BMPR2: variants seen among roughly 807,000 people sequenced by gnomAD.
BMPR2 encodes bone morphogenetic protein receptor type-2.
In BMPR2, 29 loss-of-function variants were observed where a neutral mutation model predicts 100.8. That is an observed-to-expected ratio of 0.29 (90% CI 0.21 to 0.39). The LOEUF (loss-of-function observed/expected upper bound fraction) is 0.39. Among genes scored for constraint, BMPR2 ranks in the 10% least tolerant of loss-of-function variants. BMPR2 has a pLI of 1.00. For missense variants in BMPR2, 1,011 were observed against 1,274.5 expected (o/e 0.79, Z 3.15); for synonymous variants, 382 against 442.3 (o/e 0.86, Z 1.71).
Position 202,542,367 on chromosome 2 carries a change from A to T in BMPR2, c.1333A>T (p.Thr445Ser). The T allele has an allele frequency of 6.2e-7, 1 of 1,614,106 alleles. No individual in the cohort carries two copies. Among genetic ancestry groups the T allele is most frequent in the Non-Finnish European group, 8.5e-7 (1 of 1,179,996 alleles). ...AFQTEVGNHPTFEDMQVLVSR... is the reference protein window; with the variant it reads ...AFQTEVGNHPSFEDMQVLVSR... ...TCAGACAGAGGTTGGAAACCATCCC[A>T]CTTTTGAGGATATGCAGGTTCTCGT... is the stretch of plus-strand genomic sequence containing the variant. The change falls in exon 10 of 13, where the codon ACT becomes TCT. Residue 445 changes from threonine (T) to serine (S), a missense_variant. Physicochemically the swap from Thr to Ser is moderately conservative, Grantham distance 58. Around this residue, in one of 6 missense-constraint regions of BMPR2, gnomAD observed 83 missense variants for 140.7 expected, o/e 0.59. Coordinates refer to ENST00000374580, the MANE Select transcript of BMPR2 (RefSeq NM_001204.7).
intron 3 of BMPR2, among the ~76,000 whole-genome samples, chr2:202,488,106 C>G (rs927620560): frequency 6.6e-6 from 1 of 152,192 alleles, no homozygotes; most frequent in African/African-American, 2.4e-5. Flanking sequence ...ATTGAATACA[C>G]ACTATGCATG....
In BMPR2 at chr2:202,555,297, A is replaced by G. The variant is rs1178998149; in HGVS notation, c.1632A>G (p.Pro544=). The G allele has an allele frequency of 1.2e-6, 2 of 1,614,236 alleles. No homozygotes were observed. Among genetic ancestry groups the G allele is most frequent in the Admixed American group, 1.7e-5 (1 of 60,032 alleles). The change falls in exon 12 of 13, where the codon CCA becomes CCG. Residue 544 remains proline (P), a synonymous_variant. Transcript: ENST00000374580. ...NRRVPKIGPY[P]DYSSSSYIED... ...GTGTGCCAAAAATTGGTCCTTATCC[A>G]GATTATTCTTCCTCCTCATACATTG...
rs1439489999 is a variant in BMPR2, at chr2:202,562,835, G to GC, written c.*2890dup. 1 of 144,310 alleles carries GC rather than the reference G, an allele frequency of 6.9e-6. No individual in the cohort carries two copies. The highest frequency in any genetic ancestry group is 1.5e-5 in the Non-Finnish European group (1 of 65,582). 8.9% of individuals were successfully genotyped at this position (144,310 alleles called of 1,614,324 possible). ...TTAAAACTTTCTAAATGCATAATTG[G>GC]CAAAAAAAAAAACCCACTGTTACCA... On this transcript the variant is annotated 3_prime_UTR_variant, in exon 13 of 13. Coordinates refer to ENST00000374580, the MANE Select transcript of BMPR2 (RefSeq NM_001204.7).
intron 1 of BMPR2, among the ~76,000 whole-genome samples, chr2:202,456,064 A>C (rs1488209171): frequency 4.2e-4 from 5 of 12,016 alleles, no homozygotes; most frequent in Non-Finnish European, 7.6e-4. Flanking sequence ...GACCCGTCTC[A>C]AAAAAAAAAA....
chr2:202,518,926 C>T lies in BMPR2; in HGVS notation c.726C>T (p.Asn242=), dbSNP rs151044452. ...TTGCAAACCGTCAGAATTTTATCAA[C>T]GAAAAGAACATTTACAGAGTGCCTT... is the stretch of plus-strand genomic sequence containing the variant. ...FSFANRQNFI[N]EKNIYRVPLM... The change falls in exon 6 of 13, where the codon AAC becomes AAT. Residue 242 remains asparagine (N), a synonymous_variant. Coordinates refer to ENST00000374580, the MANE Select transcript of BMPR2 (RefSeq NM_001204.7). 62 of 1,614,132 alleles carry T rather than the reference C, an allele frequency of 3.8e-5. No individual in the cohort carries two copies. The highest frequency in any genetic ancestry group is 2.9e-4 in the African/African-American group (22 of 75,030).
In BMPR2 at chr2:202,377,157, C is replaced by T; in HGVS notation, c.-318C>T. ...ATATTTTTTTGATATCGTGAAACTA[C>T]GAGGGAAATAATTTGGGGGATTTCT... On this transcript the variant is annotated 5_prime_UTR_variant, in exon 1 of 13. It adds an upstream start codon to the 5' untranslated region. Transcript: ENST00000374580. The T allele has an allele frequency of 1.7e-6, 1 of 586,044 alleles. No homozygotes were observed. Among genetic ancestry groups the T allele is most frequent in the Non-Finnish European group, 3.0e-6 (1 of 329,520 alleles). The allele number at this position is 586,044 out of a possible 1,614,324, so 36.3% of individuals were successfully genotyped here. A position where few individuals can be genotyped will look rare whatever the true frequency, so the allele number is the denominator to read the frequency against.
intron 1 of BMPR2, among the ~76,000 whole-genome samples, chr2:202,448,529 T>C (rs1419436560): frequency 6.6e-6 from 1 of 150,994 alleles, no homozygotes. Flanking sequence ...TGGTCTTGGC[T>C]CACTGCAGCC....
chr2:202,553,297 C>T (rs560488634), intron 11 of BMPR2, among the ~76,000 whole-genome samples: 5 of 152,028 alleles, frequency 3.3e-5, no homozygotes, highest in African/African-American at 1.2e-4. Context: ...CCTATCTAAC[C>T]ACTGTTTCAC....
chr2:202,465,138 C>A (rs1009632288), intron 2 of BMPR2, among the ~76,000 whole-genome samples, 159 bp downstream of exon 2: 7 of 152,162 alleles, frequency 4.6e-5, no homozygotes, highest in African/African-American at 1.7e-4. Context: ...GTAATTCCAG[C>A]ACTTTTCGAG....
At chr2:202,484,761 T>C (rs1692737229) in intron 3 of BMPR2, among the ~76,000 whole-genome samples, 1 of 150,888 alleles carries the variant, frequency 6.6e-6, no homozygotes, top group Admixed American at 6.6e-5. Context: ...GGTCTGGAGA[T>C]CGAGACCGTC....
At chr2:202,500,115 CT>C (rs1687349183) in intron 3 of BMPR2, among the ~76,000 whole-genome samples, 2 of 152,162 alleles carry the variant, frequency 1.3e-5, no homozygotes, top group Non-Finnish European at 1.5e-5. Flanking sequence ...CAAGTGCCAG[CT>C]CATGTCATCA....
intron 1 of BMPR2, among the ~76,000 whole-genome samples, chr2:202,390,980 CTTTTTTT>C (rs11459505): frequency 1.5e-4 from 8 of 51,904 alleles, no homozygotes; most frequent in South Asian, 8.8e-4. Context: ...AGTAAGTAGT[CTTTTTTT>C]TTTTTTTTTT....
At chr2:202,520,283 A>G in intron 7 of BMPR2, 82 bp downstream of exon 7, 1 of 912,792 alleles carries the variant, frequency 1.1e-6, no homozygotes, top group African/African-American at 1.6e-5. Flanking sequence ...CTTCAAAGTA[A>G]AAGTATAATT....
intron 1 of BMPR2, among the ~76,000 whole-genome samples, chr2:202,458,508 CT>C (rs1395666791): frequency 6.6e-6 from 1 of 151,898 alleles, no homozygotes; most frequent in Non-Finnish European, 1.5e-5. Context: ...GCTTAATTCT[CT>C]TATAGTCTAT....
chr2:202,394,912 G>A (rs916100959), intron 1 of BMPR2, among the ~76,000 whole-genome samples: 1 of 147,776 alleles, frequency 6.8e-6, no homozygotes, highest in South Asian at 2.1e-4. Flanking sequence ...TTGAGACAGA[G>A]TCTCACTCTG....
chr2:202,385,875 C>T (rs546419251), intron 1 of BMPR2, among the ~76,000 whole-genome samples: 3 of 152,168 alleles, frequency 2.0e-5, no homozygotes, highest in East Asian at 3.9e-4. Flanking sequence ...ATTTTCTTCT[C>T]TAATAAACAA....
chr2:202,442,455 A>T (rs1260260139), intron 1 of BMPR2, among the ~76,000 whole-genome samples: 1 of 150,476 alleles, frequency 6.6e-6, no homozygotes, highest in African/African-American at 2.5e-5. Context: ...ATGGCAAATC[A>T]TATAATAAAA....
At position 202,495,439 on chromosome 2, in the gene BMPR2, G is replaced by A. The variant is rs1278744386; in HGVS notation, c.419-18280G>A. Among the ~76,000 whole-genome samples the A allele has an allele frequency of 3.3e-5, 5 of 152,162 alleles. No individual in the cohort carries two copies. The East Asian group carries it at 5.8e-4, about 18-fold the overall frequency. On this transcript the variant is annotated intron_variant, in intron 3 of 12. Coordinates refer to ENST00000374580, the MANE Select transcript of BMPR2 (RefSeq NM_001204.7). This position sits in a 1 kb window ranked among gnomAD's most constrained non-coding sequence, Gnocchi z 4.5. ...CCTATCGTTGTGCTCTTCTGCTGGC[G>A]TGCTCCTCTCGACGACCAGCCACTT...
chr2:202,377,188 G>A lies in BMPR2; in HGVS notation c.-287G>A. The stretch of plus-strand genomic sequence containing the variant: ...AAATAATTTGGGGGATTTCTTCTTG[G>A]CTCCCTGCTTTCCCCACAGACATGC... On this transcript the variant is annotated 5_prime_UTR_variant, in exon 1 of 13. Coordinates refer to ENST00000374580, the MANE Select transcript of BMPR2 (RefSeq NM_001204.7). 3.4e-6 allele frequency: 2 copies of A among 593,334 alleles called. No individual in the cohort carries two copies. Among genetic ancestry groups the A allele is most frequent in the Non-Finnish European group, 6.0e-6 (2 of 332,876 alleles). 36.8% of individuals were successfully genotyped at this position (593,334 alleles called of 1,614,324 possible).
Sources: gnomAD v4.1 joint callset for allele counts (sites outside exome capture counted in the v4.1 genomes callset) on GRCh38, gnomAD v4.1.1 for gene constraint, gnomAD v4.1.1 regional missense constraint, Gnocchi (gnomAD v3.1) non-coding constraint, MANE v1.5 for transcripts, NCBI Gene and HGNC (gene_info 2026-07-23, HGNC 2026-07-21) for gene names.